The following PKHD1 variants were observed in gnomAD, a reference collection of about 807,000 sequenced individuals.
PKHD1 encodes the protein PKHD1 ciliary IPT domain containing fibrocystin/polyductin.
Under a neutral mutation model 412.0 loss-of-function variants are expected in PKHD1, and 291 were observed. The ratio of observed to expected loss-of-function variants is 0.71; its 90% CI spans 0.64 to 0.78. The LOEUF (loss-of-function observed/expected upper bound fraction) is 0.78, where lower values mean the gene tolerates loss of function less well. PKHD1 is among the 30% of genes least tolerant of loss of function. The pLI is 0.00. For missense variants in PKHD1, 4,825 were observed against 4,950.7 expected, an observed-to-expected ratio of 0.97 and a Z score of 0.76; for synonymous variants, 1,777 against 1,821.5, an observed-to-expected ratio of 0.98 and a Z score of 0.62.
intron 60 of PKHD1, among the ~76,000 whole-genome samples, chr6:51,701,660 A>G (rs1779411256): frequency 6.6e-6 from 1 of 152,090 alleles, no homozygotes; most frequent in East Asian, 1.9e-4. Flanking sequence ...ATACAAAAGA[A>G]GGATTAGAAA....
intron 35 of PKHD1, among the ~76,000 whole-genome samples, chr6:52,000,751 AT>A (rs1330235409): frequency 6.6e-6 from 1 of 152,244 alleles, no homozygotes; most frequent in Non-Finnish European, 1.5e-5. Context: ...ATTTAAACAC[AT>A]TGTAAAGAAA....
intron 61 of PKHD1, among the ~76,000 whole-genome samples, chr6:51,656,639 G>T (rs971786044): frequency 2.0e-5 from 3 of 150,114 alleles, no homozygotes; most frequent in African/African-American, 7.3e-5. Flanking sequence ...ACAAAACAGA[G>T]TTGGTAGCTT....
At chr6:51,785,220 G>A (rs1465716514) in intron 53 of PKHD1, among the ~76,000 whole-genome samples, 2 of 152,034 alleles carry the variant, frequency 1.3e-5, no homozygotes, top group African/African-American at 4.8e-5. Flanking sequence ...CCATATCAGA[G>A]GAATTATTTT....
rs968893185 is a variant in PKHD1, at chr6:52,033,913, G to C, written c.3229-748C>G. 1.6e-4 allele frequency among the ~76,000 whole-genome samples: 25 copies of C among 152,124 alleles called. No individual in the cohort carries two copies. In the South Asian group the frequency reaches 3.3e-3, roughly 20 times the overall value. ...GGAGGCCGAGGCGGGTGGATCACCT[G>C]AGATCAGGAATTTGAGACCAACCTG... On this transcript the variant is annotated intron_variant, in intron 28 of 66. Coordinates refer to ENST00000371117, the MANE Select transcript of PKHD1 (RefSeq NM_138694.4).
intron 52 of PKHD1, among the ~76,000 whole-genome samples, chr6:51,824,480 C>T (rs780055475): frequency 2.2e-4 from 33 of 152,178 alleles, no homozygotes; most frequent in Non-Finnish European, 4.3e-4. Context: ...ATCCTTAAAG[C>T]AAGGTTCACT....
intron 66 of PKHD1, among the ~76,000 whole-genome samples, chr6:51,623,510 TA>T (rs1220197587): frequency 4.6e-5 from 7 of 152,212 alleles, no homozygotes; most frequent in Non-Finnish European, 8.8e-5. Context: ...TCTTTTAAGT[TA>T]TTCTTAAAAA....
intron 50 of PKHD1, among the ~76,000 whole-genome samples, chr6:51,840,970 A>C (rs1169924448): frequency 2.0e-5 from 3 of 152,254 alleles, no homozygotes; most frequent in Non-Finnish European, 4.4e-5. Flanking sequence ...GGATATTATT[A>C]AGAAAAGTTA....
Position 51,909,277 on chromosome 6 carries a change from C to T in PKHD1, c.6682+6G>A. ...ATGAGAAAGTCCTAGGTCCGGACCC[C>T]CTTACCTCTCATAGCTCCCACCAGA... On this transcript the variant is annotated splice_donor_region_variant and intron_variant, in intron 40 of 66. Transcript: ENST00000371117. The T allele has an allele frequency of 6.2e-7, 1 of 1,611,704 alleles. No individual in the cohort carries two copies. Among genetic ancestry groups the T allele is most frequent in the South Asian group, 1.1e-5 (1 of 91,026 alleles).
At chr6:52,050,026 T>C (rs1806530496) in intron 22 of PKHD1, 131 bp downstream of exon 22, 4 of 834,970 alleles carry the variant, frequency 4.8e-6, no homozygotes, top group Non-Finnish European at 8.1e-6. Context: ...TGGTGCTGCA[T>C]TCTCAAGATT....
chr6:51,712,472 C>T (rs553162289), intron 60 of PKHD1, among the ~76,000 whole-genome samples: 19 of 152,116 alleles, frequency 1.2e-4, no homozygotes, highest in Admixed American at 2.6e-4. Context: ...ACCCTTTTAT[C>T]CATACTAAAG....
intron 51 of PKHD1, among the ~76,000 whole-genome samples, chr6:51,833,505 G>A (rs1034852348): frequency 6.6e-6 from 1 of 151,362 alleles, no homozygotes; most frequent in African/African-American, 2.4e-5. Context: ...AATTTGTGGA[G>A]AGAAAAAGAA....
intron 41 of PKHD1, among the ~76,000 whole-genome samples, 176 bp downstream of exon 41, chr6:51,906,039 G>T (rs1480712993): frequency 6.6e-6 from 1 of 152,152 alleles, no homozygotes; most frequent in Non-Finnish European, 1.5e-5. Context: ...GTAAAGTTTA[G>T]TAAGCCAATC....
chr6:51,981,273 C>T (rs757532081), intron 35 of PKHD1, among the ~76,000 whole-genome samples: 3 of 145,968 alleles, frequency 2.1e-5, no homozygotes, highest in South Asian at 2.3e-4. Context: ...AAAGGCACTG[C>T]GGTACAGAGC....
intron 39 of PKHD1, 43 bp downstream of exon 39, chr6:51,911,756 T>G: frequency 6.5e-7 from 1 of 1,541,322 alleles, no homozygotes; most frequent in Non-Finnish European, 9.0e-7. Context: ...AGTAAGAATA[T>G]TCTTTTTTGC....
intron 63 of PKHD1, 54 bp from the exon 64 acceptor site, chr6:51,639,010 T>A: frequency 1.7e-6 from 2 of 1,211,918 alleles, no homozygotes; most frequent in Middle Eastern, 1.9e-4. Flanking sequence ...TCTCGAACAA[T>A]GTCTTCATGT....
intron 60 of PKHD1, among the ~76,000 whole-genome samples, chr6:51,689,859 G>A (rs1226225556): frequency 6.6e-6 from 1 of 152,032 alleles, no homozygotes; most frequent in East Asian, 1.9e-4. Flanking sequence ...ACAAACAAAT[G>A]GAAAAACATT....
chr6:51,670,493 C>G (rs2150496855), intron 60 of PKHD1, among the ~76,000 whole-genome samples: 1 of 151,632 alleles, frequency 6.6e-6, no homozygotes, highest in Admixed American at 6.6e-5. Flanking sequence ...GGTCTTGACT[C>G]TTTATCCAGT....
chr6:51,897,111 T>A (rs1461118335), intron 43 of PKHD1, among the ~76,000 whole-genome samples: 1 of 152,008 alleles, frequency 6.6e-6, no homozygotes, highest in Non-Finnish European at 1.5e-5. Context: ...CCAGGAGAAC[T>A]TCCCCAATCT....
chr6:52,044,654 A>C (rs1386841645), intron 25 of PKHD1, among the ~76,000 whole-genome samples: 1 of 152,222 alleles, frequency 6.6e-6, no homozygotes, highest in Non-Finnish European at 1.5e-5. Context: ...AGAATGACTT[A>C]GCTCATTTAC....
Sources: gnomAD v4.1 joint callset for allele counts (sites outside exome capture counted in the v4.1 genomes callset) on GRCh38, gnomAD v4.1.1 for gene constraint, MANE v1.5 for transcripts, NCBI Gene and HGNC (gene_info 2026-07-23, HGNC 2026-07-21) for gene names.